PTPRA: variants seen among roughly 807,000 people sequenced by gnomAD.
PTPRA encodes the protein protein tyrosine phosphatase receptor type A.
A neutral mutation model predicts 104.8 loss-of-function variants in PTPRA; 25 were observed. The observed-to-expected ratio is 0.24, with a 90% confidence interval of 0.17 to 0.33. The LOEUF (loss-of-function observed/expected upper bound fraction) is 0.33, where lower values mean the gene tolerates loss of function less well. PTPRA is among the 10% of genes least tolerant of loss of function. The probability of loss-of-function intolerance (pLI) is 1.00; values close to 1 mark genes in which losing one functional copy is unlikely to be tolerated. For missense variants in PTPRA, 765 were observed against 1,015.3 expected (o/e 0.75, Z 3.35); for synonymous variants, 323 against 368.9 (o/e 0.88, Z 1.43).
intron 5 of PTPRA, 91 bp from the exon 6 acceptor site, chr20:2,975,124 A>C: frequency 8.6e-7 from 1 of 1,161,906 alleles, no homozygotes; most frequent in Non-Finnish European, 1.2e-6. Flanking sequence ...AAGCATTCCT[A>C]ATCCTGGAGC....
rs375216398 is a variant in PTPRA at position 2,964,987 on chromosome 20, C to G, written c.200C>G (p.Pro67Arg). The G allele has an allele frequency of 6.2e-7, 1 of 1,614,020 alleles. No homozygotes were observed. Among genetic ancestry groups the G allele is most frequent in the Non-Finnish European group, 8.5e-7 (1 of 1,179,902 alleles). Residue 67 changes from proline to arginine, a missense_variant, in exon 5 of 24, where the codon CCA becomes CGA. Pro to Arg is a moderately radical substitution (Grantham distance 103, BLOSUM62 -2). Coordinates refer to ENST00000399903, the MANE Select transcript of PTPRA (RefSeq NM_001385305.1). ...TSLSVAPTFS[P>R]NITLGPTYLT... ...CTTTCTGTGGCACCAACATTCAGCC[C>G]AAATATAACTCTGGGACCCACCTAT...
intron 6 of PTPRA, among the ~76,000 whole-genome samples, chr20:2,985,144 G>A (rs534447777): frequency 6.6e-6 from 1 of 152,204 alleles, no homozygotes; most frequent in Non-Finnish European, 1.5e-5. Context: ...CTGCTAAAAG[G>A]TTGAATCAGA....
the PTPRA span, chr20:2,866,692 T>C: frequency 6.9e-7 from 1 of 1,441,344 alleles, no homozygotes; most frequent in Admixed American, 2.1e-5. Context: ...GGGGGCATGG[T>C]AGCAGGGCTG....
At chr20:2,918,662 T>G (rs913484722) in intron 1 of PTPRA, among the ~76,000 whole-genome samples, 2 of 152,256 alleles carry the variant, frequency 1.3e-5, no homozygotes, top group African/African-American at 4.8e-5. Flanking sequence ...CTGTGCACAT[T>G]GCACCATACT....
intron 1 of PTPRA, among the ~76,000 whole-genome samples, chr20:2,912,287 T>C (rs1185746278): frequency 6.7e-6 from 1 of 148,424 alleles, no homozygotes; most frequent in African/African-American, 2.5e-5. Context: ...ATAGAAAAAC[T>C]GAAGTAATTT....
At chr20:2,957,432 G>A (rs901475919) in intron 3 of PTPRA, among the ~76,000 whole-genome samples, 5 of 152,348 alleles carry the variant, frequency 3.3e-5, no homozygotes, top group African/African-American at 9.6e-5. Flanking sequence ...TAGGCTGGAA[G>A]CAGCTGTTTT....
intron 1 of PTPRA, among the ~76,000 whole-genome samples, chr20:2,895,403 C>A (rs2058960313): frequency 1.3e-5 from 2 of 151,864 alleles, no homozygotes; most frequent in South Asian, 4.2e-4. Flanking sequence ...TTCTTTTAGA[C>A]CCAGCTGAAA....
At position 3,022,777 on chromosome 20, in the gene PTPRA, T is replaced by A. The variant is rs2064943990; in HGVS notation, c.1417T>A (p.Phe473Ile). The A allele has an allele frequency of 6.2e-7, 1 of 1,614,200 alleles. No individual in the cohort carries two copies. The highest frequency in any genetic ancestry group is 1.3e-5 in the African/African-American group (1 of 75,038). The change falls in exon 16 of 24, where the codon TTT becomes ATT. Residue 473 changes from phenylalanine (F) to isoleucine (I), a missense_variant. Coordinates refer to ENST00000399903, the MANE Select transcript of PTPRA (RefSeq NM_001385305.1). The surrounding 1 kb of genome is among the most constrained non-coding windows in gnomAD (Gnocchi z 4.6). ...AGAACGGAAGGTGGACGTGTATGGC[T>A]TTGTGAGCCGGATCCGGGCACAGCG... ...HTERKVDVYGFVSRIRAQRCQ... is the reference protein window; with the variant it reads ...HTERKVDVYGIVSRIRAQRCQ...
chr20:2,948,158 A>C (rs1204855120), intron 3 of PTPRA, 134 bp downstream of exon 3: 1 of 390,046 alleles, frequency 2.6e-6, no homozygotes, highest in Non-Finnish European at 4.8e-6. Context: ...AAGGATTTGC[A>C]TTTTACTGAG....
intron 5 of PTPRA, among the ~76,000 whole-genome samples, chr20:2,970,338 A>G (rs1028092593): frequency 6.6e-6 from 1 of 152,206 alleles, no homozygotes; most frequent in African/African-American, 2.4e-5. Flanking sequence ...TATTAACAAT[A>G]TGTCAAAGTG....
intron 1 of PTPRA, among the ~76,000 whole-genome samples, chr20:2,918,154 T>A (rs577881347): frequency 1.3e-5 from 2 of 150,312 alleles, no homozygotes; most frequent in African/African-American, 4.9e-5. Context: ...AAATATTGGG[T>A]GTCAGGCAAA....
intron 10 of PTPRA, among the ~76,000 whole-genome samples, chr20:3,006,853 A>C (rs2063897405): frequency 6.6e-6 from 1 of 151,754 alleles, no homozygotes; most frequent in South Asian, 2.1e-4. Context: ...CTGGTCTGGA[A>C]CTCCTGACCT....
the PTPRA span, chr20:2,865,535 G>C: frequency 6.3e-7 from 1 of 1,585,738 alleles, no homozygotes; most frequent in Admixed American, 1.7e-5. The surrounding 1 kb of genome is among the most constrained non-coding windows in gnomAD (Gnocchi z 5.2). Context: ...TCCAGTGAGG[G>C]TAGTCTTCGG....
chr20:2,939,776 C>T (rs921455841), intron 2 of PTPRA, among the ~76,000 whole-genome samples: 1 of 152,140 alleles, frequency 6.6e-6, no homozygotes, highest in Non-Finnish European at 1.5e-5. Flanking sequence ...TTTTCTGTCA[C>T]TTGTGTCATG....
chr20:2,988,094 C>T lies in PTPRA; in HGVS notation c.590C>T (p.Thr197Ile). The change falls in exon 8 of 24, where the codon ACT (threonine) becomes ATT (isoleucine). Residue 197 changes from threonine (T) to isoleucine (I), a missense_variant. Physicochemically the swap from Thr to Ile is moderately conservative, Grantham distance 89. Coordinates refer to ENST00000399903, the MANE Select transcript of PTPRA (RefSeq NM_001385305.1). ...SNSFRLSNGR[T>I]EDVEPQSVPL... Reference sequence around the variant, plus strand: ...TCTTTCCGCTTATCCAACGGCCGCACTGAGGATGTGGGTAAGGCATTCCTT... The same window carrying T: ...TCTTTCCGCTTATCCAACGGCCGCATTGAGGATGTGGGTAAGGCATTCCTT... 6.3e-7 allele frequency: 1 copy of T among 1,585,396 alleles called. No homozygotes were observed. The highest frequency in any genetic ancestry group is 8.7e-7 in the Non-Finnish European group (1 of 1,153,854).
intron 11 of PTPRA, among the ~76,000 whole-genome samples, chr20:3,010,016 T>G (rs2064081620): frequency 1.3e-5 from 2 of 151,804 alleles, no homozygotes; most frequent in South Asian, 4.2e-4. Context: ...GCCCAGCTAA[T>G]TTTTTGTATT....
At chr20:2,976,578 C>G (rs1250852993) in intron 6 of PTPRA, among the ~76,000 whole-genome samples, 2 of 152,142 alleles carry the variant, frequency 1.3e-5, no homozygotes, top group East Asian at 3.8e-4. Context: ...AATCTCCTTT[C>G]TTAAGTCAAA....
At position 2,903,020 on chromosome 20, in the gene PTPRA, A is replaced by G. The variant is rs976750883; in HGVS notation, c.-128-20187A>G. Reference sequence around the variant, plus strand: ...AACCTCTCTGTGCCTCAGTTTCTTCATCTGCAAAATGGGAGATAGTGCAGT... The same window carrying G: ...AACCTCTCTGTGCCTCAGTTTCTTCGTCTGCAAAATGGGAGATAGTGCAGT... On this transcript the variant is annotated intron_variant, in intron 1 of 23. Coordinates refer to ENST00000399903, the MANE Select transcript of PTPRA (RefSeq NM_001385305.1). Among the ~76,000 whole-genome samples the G allele has an allele frequency of 3.9e-5, 6 of 152,114 alleles. 1 individual carries two copies. The highest frequency in any genetic ancestry group is 8.8e-5 in the Non-Finnish European group (6 of 68,030).
intron 9 of PTPRA, among the ~76,000 whole-genome samples, chr20:3,004,206 C>G (rs1386965016): frequency 6.6e-6 from 1 of 152,084 alleles, no homozygotes; most frequent in Non-Finnish European, 1.5e-5. Context: ...TTAGTAGAGA[C>G]AGGGTTTCGC....
Sources: gnomAD v4.1 joint callset for allele counts (sites outside exome capture counted in the v4.1 genomes callset) on GRCh38, gnomAD v4.1.1 for gene constraint, Gnocchi (gnomAD v3.1) non-coding constraint, MANE v1.5 for transcripts, NCBI Gene and HGNC (gene_info 2026-07-23, HGNC 2026-07-21) for gene names.